The following EPHA5 variants were observed in gnomAD, a reference collection of about 807,000 sequenced individuals.
EPHA5 encodes EPH receptor A5.
EPHA5 carries 60 observed loss-of-function variants against 105.0 expected under a neutral mutation model. The observed-to-expected ratio is 0.57, with a 90% CI of 0.46 to 0.71. EPHA5 has a LOEUF of 0.71. Ranked by LOEUF, EPHA5 falls within the 30% of genes least tolerant of loss-of-function variation. The probability of loss-of-function intolerance (pLI) is 0.00; values close to 1 mark genes in which losing one functional copy is unlikely to be tolerated. For missense variants in EPHA5, 1,218 were observed against 1,274.7 expected (o/e 0.96, Z 0.68); for synonymous variants, 513 against 449.1 (o/e 1.14, Z -1.80).
Position 65,661,609 on chromosome 4 carries a change from C to A in EPHA5, c.181+7953G>T, listed in dbSNP as rs562889324. Among the ~76,000 whole-genome samples the A allele has an allele frequency of 3.9e-5, 6 of 152,222 alleles. No homozygotes were observed. The South Asian group carries it at 1.2e-3, about 32-fold the overall frequency. On this transcript the variant is annotated intron_variant, in intron 1 of 16. Coordinates refer to ENST00000613740, the MANE Select transcript of EPHA5 (RefSeq NM_001281766.3). The stretch of plus-strand genomic sequence containing the variant: ...CATTGTCATCTTCCATGAGACTGGG[C>A]AGTCAGCCTCACCTTTTCTGCTAGT...
intron 12 of EPHA5, among the ~76,000 whole-genome samples, chr4:65,352,021 C>G (rs1722864796): frequency 6.6e-6 from 1 of 151,940 alleles, no homozygotes; most frequent in Admixed American, 6.6e-5. Flanking sequence ...GTTTCTGTAA[C>G]AGCAGATGGG....
chr4:65,325,957 A>C (rs1720032931), intron 16 of EPHA5, among the ~76,000 whole-genome samples: 1 of 150,078 alleles, frequency 6.7e-6, no homozygotes, highest in Non-Finnish European at 1.5e-5. Context: ...GTCATTGTCA[A>C]TTTCCCCTTA....
At position 65,323,170 on chromosome 4, in the gene EPHA5, T is replaced by C. The variant is rs1312984711; in HGVS notation, c.*944A>G. On this transcript the variant is annotated 3_prime_UTR_variant, in exon 17 of 17. Transcript: ENST00000613740. ...AATGTTTTTAAAAAGCCAAAGGGGA[T>C]TTAGTCTTATACACATTTCCTTTTA... The C allele has an allele frequency of 8.8e-6, 2 of 228,524 alleles. No homozygotes were observed. Among genetic ancestry groups the C allele is most frequent in the Non-Finnish European group, 1.7e-5 (2 of 115,166 alleles). The allele number at this position is 228,524 out of a possible 1,614,324, so 14.2% of individuals were successfully genotyped here. A position where few individuals can be genotyped will look rare whatever the true frequency, so the allele number is the denominator to read the frequency against.
At chr4:65,555,002 A>C (rs975342175) in intron 3 of EPHA5, among the ~76,000 whole-genome samples, 1 of 139,708 alleles carries the variant, frequency 7.2e-6, no homozygotes, top group Non-Finnish European at 1.6e-5. Context: ...AAAAAAAAAA[A>C]AAAAAAAAAA....
chr4:65,475,785 T>C (rs1246834515), intron 5 of EPHA5, among the ~76,000 whole-genome samples: 1 of 152,178 alleles, frequency 6.6e-6, no homozygotes, highest in Non-Finnish European at 1.5e-5. Flanking sequence ...TTACATTGAA[T>C]AGCAAATCTG....
intron 5 of EPHA5, among the ~76,000 whole-genome samples, chr4:65,462,031 G>A (rs1728175663): frequency 6.6e-6 from 1 of 152,062 alleles, no homozygotes; most frequent in Non-Finnish European, 1.5e-5. Context: ...ATAGTAGACA[G>A]ATTGATAGGC....
chr4:65,561,898 G>T (rs1739052790), intron 3 of EPHA5, among the ~76,000 whole-genome samples: 1 of 152,006 alleles, frequency 6.6e-6, no homozygotes, highest in Non-Finnish European at 1.5e-5. Flanking sequence ...TCTCAATACA[G>T]AAGAATTTGT....
rs1731842423 is a variant in EPHA5 at position 65,495,520 on chromosome 4, C to T, written c.934G>A (p.Ala312Thr). ...CQVCRPGFFKASPHIQSCGKC... is the reference protein window; with the variant it reads ...CQVCRPGFFKTSPHIQSCGKC... Reference sequence around the variant, plus strand: ...CCGCAGCTCTGGATGTGAGGTGAGGCTTTGAAGAACCCAGGTCTGCACACT... The same window carrying T: ...CCGCAGCTCTGGATGTGAGGTGAGGTTTTGAAGAACCCAGGTCTGCACACT... Residue 312 changes from alanine to threonine, a missense_variant, in exon 4 of 17, where the codon GCC (alanine) becomes ACC (threonine). Coordinates refer to ENST00000613740, the MANE Select transcript of EPHA5 (RefSeq NM_001281766.3). 6.2e-7 allele frequency: 1 copy of T among 1,613,640 alleles called. No individual in the cohort carries two copies. The highest frequency in any genetic ancestry group is 8.5e-7 in the Non-Finnish European group (1 of 1,179,710).
rs536354236 is a variant in EPHA5, at chr4:65,585,901, G to GA, written c.910+15739dup. 5.3e-5 allele frequency among the ~76,000 whole-genome samples: 8 copies of GA among 151,244 alleles called. No individual in the cohort carries two copies. In the East Asian group the frequency reaches 1.2e-3, roughly 22 times the overall value. On this transcript the variant is annotated intron_variant, in intron 3 of 16. Coordinates refer to ENST00000613740, the MANE Select transcript of EPHA5 (RefSeq NM_001281766.3). ...TAGTAATATTTATAATATAAAACTG[G>GA]AAAAAAATGCCTGCAGCCTTACTTT...
intron 3 of EPHA5, chr4:65,574,002 C>T (rs1378438010): frequency 4.4e-6 from 7 of 1,596,940 alleles, no homozygotes; most frequent in Non-Finnish European, 6.0e-6. Flanking sequence ...ACCTCTGGTC[C>T]TCAATCGAGT....
At chr4:65,336,162 A>G (rs1236738269) in intron 14 of EPHA5, 37 bp from the exon 15 acceptor site, 2 of 1,528,288 alleles carry the variant, frequency 1.3e-6, no homozygotes, top group South Asian at 2.5e-5. Context: ...CCCCAACACC[A>G]CAAATTTAGT....
chr4:65,356,586 G>A (rs1167726758), intron 11 of EPHA5, among the ~76,000 whole-genome samples: 1 of 151,394 alleles, frequency 6.6e-6, no homozygotes, highest in Non-Finnish European at 1.5e-5. Flanking sequence ...GACAGTGTAG[G>A]TTGTGATGTG....
intron 11 of EPHA5, among the ~76,000 whole-genome samples, chr4:65,357,931 C>A (rs569937892): frequency 1.3e-5 from 2 of 151,292 alleles, no homozygotes; most frequent in African/African-American, 4.8e-5. Context: ...AGAGAATATG[C>A]CGTTCCTGGT....
At chr4:65,527,417 G>A (rs1251947861) in intron 3 of EPHA5, among the ~76,000 whole-genome samples, 1 of 152,002 alleles carries the variant, frequency 6.6e-6, no homozygotes, top group Non-Finnish European at 1.5e-5. Flanking sequence ...CTGAATTAGC[G>A]ATAGACACAC....
chr4:65,423,282 T>C (rs1423024413), intron 5 of EPHA5, among the ~76,000 whole-genome samples: 1 of 152,022 alleles, frequency 6.6e-6, no homozygotes, highest in Admixed American at 6.6e-5. Context: ...ATCATCACCG[T>C]TATGTCACCT....
intron 3 of EPHA5, among the ~76,000 whole-genome samples, chr4:65,512,352 A>C (rs1034270289): frequency 6.6e-6 from 1 of 152,190 alleles, no homozygotes; most frequent in Non-Finnish European, 1.5e-5. Flanking sequence ...ATTTTAATAG[A>C]CACATGATAT....
chr4:65,557,233 G>T (rs1578416690), intron 3 of EPHA5, among the ~76,000 whole-genome samples: 5 of 90,944 alleles, frequency 5.5e-5, no homozygotes, highest in South Asian at 4.3e-4. Flanking sequence ...TTTATACTGG[G>T]ATATATATAT....
chr4:65,661,642 G>A (rs899786242), intron 1 of EPHA5, among the ~76,000 whole-genome samples: 8 of 152,056 alleles, frequency 5.3e-5, no homozygotes, highest in African/African-American at 1.4e-4. Flanking sequence ...AGTACACATG[G>A]TGAAAGCTTT....
intron 7 of EPHA5, among the ~76,000 whole-genome samples, chr4:65,410,687 G>C (rs1194511111): frequency 6.6e-6 from 1 of 152,130 alleles, no homozygotes; most frequent in Non-Finnish European, 1.5e-5. Flanking sequence ...TATTACCATG[G>C]TGAAAACTAG....
Sources: gnomAD v4.1 joint callset for allele counts (sites outside exome capture counted in the v4.1 genomes callset) on GRCh38, gnomAD v4.1.1 for gene constraint, MANE v1.5 for transcripts, NCBI Gene and HGNC (gene_info 2026-07-23, HGNC 2026-07-21) for gene names.